Variants in MLLT3 observed in about 807,000 individuals in gnomAD.
MLLT3 encodes protein AF-9.
In MLLT3, 4 loss-of-function variants were observed where a neutral mutation model predicts 53.2. That is an observed-to-expected ratio of 0.08 (90% CI 0.04 to 0.17). MLLT3 has a LOEUF of 0.17. Ranked by LOEUF, MLLT3 falls within the 10% of genes least tolerant of loss-of-function variation. The probability of loss-of-function intolerance (pLI) is 1.00; values close to 1 mark genes in which losing one functional copy is unlikely to be tolerated. For missense variants in MLLT3, 569 were observed against 684.0 expected (o/e 0.83, Z 1.87); for synonymous variants, 283 against 230.6 (o/e 1.23, Z -2.06).
intron 2 of MLLT3, among the ~76,000 whole-genome samples, chr9:20,567,373 T>G (rs1819406991): frequency 7.0e-6 from 1 of 142,590 alleles, no homozygotes; most frequent in Non-Finnish European, 1.5e-5. Context: ...TATAGAAGTA[T>G]AAATTCTTTA....
At chr9:20,432,615 A>G (rs1823300509) in intron 4 of MLLT3, among the ~76,000 whole-genome samples, 1 of 151,790 alleles carries the variant, frequency 6.6e-6, no homozygotes, top group Non-Finnish European at 1.5e-5. Flanking sequence ...GAGCTGTCCT[A>G]ATATAGAAAA....
chr9:20,404,383 T>C (rs1274747243), intron 5 of MLLT3, among the ~76,000 whole-genome samples: 2 of 152,234 alleles, frequency 1.3e-5, no homozygotes. Context: ...TCTTCATCTA[T>C]GACATCATTA....
chr9:20,380,788 C>G lies in MLLT3; in HGVS notation c.1126-15044G>C, dbSNP rs566415838. 2.6e-5 allele frequency among the ~76,000 whole-genome samples: 4 copies of G among 152,080 alleles called. No individual in the cohort carries two copies. The East Asian group carries it at 7.7e-4, about 29-fold the overall frequency. ...TTTATCTTAGGAACAATGTGAAATG[C>G]GTAACAGAGTACATTCTCTTTTCTA... On this transcript the variant is annotated intron_variant, in intron 5 of 10. Transcript: ENST00000380338.
intron 4 of MLLT3, among the ~76,000 whole-genome samples, chr9:20,435,557 G>T (rs1022441913): frequency 1.3e-5 from 2 of 152,124 alleles, no homozygotes; most frequent in African/African-American, 4.8e-5. Context: ...ATGTCCTCCA[G>T]ATAAGGCAAG....
chr9:20,437,835 A>T (rs555647832), intron 4 of MLLT3, among the ~76,000 whole-genome samples: 3 of 152,262 alleles, frequency 2.0e-5, no homozygotes, highest in Non-Finnish European at 4.4e-5. Flanking sequence ...CTTTACTTTA[A>T]AAAAACAATA....
Position 20,577,621 on chromosome 9 carries a change from T to C in MLLT3, c.193+43033A>G, listed in dbSNP as rs528269771. 9.2e-5 allele frequency among the ~76,000 whole-genome samples: 14 copies of C among 152,226 alleles called. No homozygotes were observed. The South Asian group carries it at 2.9e-3, about 32-fold the overall frequency. On this transcript the variant is annotated intron_variant, in intron 2 of 10. Coordinates refer to ENST00000380338, the MANE Select transcript of MLLT3 (RefSeq NM_004529.4). ...ATTATCACAGACTTGTCCATTCAAA[T>C]CCATTCTAGCCCCATTACTGCACAA... is the stretch of plus-strand genomic sequence containing the variant.
intron 2 of MLLT3, among the ~76,000 whole-genome samples, chr9:20,494,829 T>G (rs1825041642): frequency 6.6e-6 from 1 of 152,138 alleles, no homozygotes; most frequent in African/African-American, 2.4e-5. Context: ...TCATATATAT[T>G]AAAACTGAAA....
At chr9:20,397,516 C>A (rs1299754767) in intron 5 of MLLT3, among the ~76,000 whole-genome samples, 1 of 152,050 alleles carries the variant, frequency 6.6e-6, no homozygotes, top group Non-Finnish European at 1.5e-5. Context: ...ACATGTAGGG[C>A]CCTATAAAAG....
chr9:20,515,536 A>G (rs1439030311), intron 2 of MLLT3, among the ~76,000 whole-genome samples: 4 of 152,184 alleles, frequency 2.6e-5, no homozygotes, highest in Non-Finnish European at 4.4e-5. Flanking sequence ...TCTAGGCAGC[A>G]GCCTTTTCTT....
In MLLT3 at chr9:20,448,098, C is replaced by T. The variant is rs767872458; in HGVS notation, c.420+25G>A. 26 of 1,579,648 alleles carry T rather than the reference C, an allele frequency of 1.6e-5. No homozygotes were observed. Among genetic ancestry groups the T allele is most frequent in the Admixed American group, 7.5e-5 (4 of 53,068 alleles). Reference sequence around the variant, plus strand: ...TTGTTGTTGTTTTTTAATAGGAATGCTTTTCACAAGAGAGTGCCACTTACC... The same window carrying T: ...TTGTTGTTGTTTTTTAATAGGAATGTTTTTCACAAGAGAGTGCCACTTACC... On this transcript the variant is annotated intron_variant, in intron 4 of 10. Transcript: ENST00000380338. This position sits in a 1 kb window ranked among gnomAD's most constrained non-coding sequence, Gnocchi z 4.0.
At chr9:20,363,156 A>T (rs534410984) in intron 7 of MLLT3, 1 of 221,612 alleles carries the variant, frequency 4.5e-6, no homozygotes, top group South Asian at 1.5e-4. Flanking sequence ...CCAGCAGTGG[A>T]TCAACACAAA....
intron 3 of MLLT3, among the ~76,000 whole-genome samples, chr9:20,453,284 G>T (rs1431139556): frequency 6.6e-6 from 1 of 152,174 alleles, no homozygotes; most frequent in African/African-American, 2.4e-5. Context: ...AATTTGGCCA[G>T]TTGGGGTGGC....
At chr9:20,562,525 T>C (rs564032253) in intron 2 of MLLT3, among the ~76,000 whole-genome samples, 1 of 152,264 alleles carries the variant, frequency 6.6e-6, no homozygotes, top group Non-Finnish European at 1.5e-5. Flanking sequence ...CCAGCAAAGA[T>C]AATTTCAGAG....
chr9:20,457,401 C>T (rs138641086), intron 2 of MLLT3, among the ~76,000 whole-genome samples: 122 of 151,972 alleles, frequency 8.0e-4, no homozygotes, highest in African/African-American at 2.9e-3. Context: ...AGGCATGCGT[C>T]ACCACACCAG....
chr9:20,611,850 C>G (rs1291675714), intron 2 of MLLT3, among the ~76,000 whole-genome samples: 1 of 152,160 alleles, frequency 6.6e-6, no homozygotes, highest in African/African-American at 2.4e-5. Flanking sequence ...TAAAACAACA[C>G]CCTGCATCCT....
chr9:20,437,869 T>C (rs187325284), intron 4 of MLLT3, among the ~76,000 whole-genome samples: 24 of 152,302 alleles, frequency 1.6e-4, no homozygotes, highest in Non-Finnish European at 2.4e-4. Flanking sequence ...TGTGTGAAAT[T>C]CCCTACAGCA....
At chr9:20,440,067 A>G (rs1482838093) in intron 4 of MLLT3, among the ~76,000 whole-genome samples, 1 of 152,206 alleles carries the variant, frequency 6.6e-6, no homozygotes, top group Non-Finnish European at 1.5e-5. Context: ...CTGCAGAAAA[A>G]AAGTCATGTC....
chr9:20,602,288 A>G (rs1820444391), intron 2 of MLLT3, among the ~76,000 whole-genome samples: 1 of 152,128 alleles, frequency 6.6e-6, no homozygotes, highest in African/African-American at 2.4e-5. Context: ...ATGGGAACTT[A>G]CTGGGATGGA....
chr9:20,609,124 TA>T (rs1820639687), intron 2 of MLLT3, among the ~76,000 whole-genome samples: 2 of 152,082 alleles, frequency 1.3e-5, no homozygotes, highest in Non-Finnish European at 2.9e-5. Context: ...AGCTCTATTT[TA>T]AATGTCTGCA....
Sources: allele counts gnomAD v4.1 joint callset (sites outside exome capture counted in the v4.1 genomes callset), GRCh38; gene constraint gnomAD v4.1.1; non-coding constraint Gnocchi (gnomAD v3.1); transcripts MANE v1.5; gene names NCBI Gene and HGNC (gene_info 2026-07-23, HGNC 2026-07-21).